Variants in CCT6A observed in about 807,000 individuals in gnomAD.
The protein encoded by CCT6A is T-complex protein 1 subunit zeta.
Under a neutral mutation model 58.6 loss-of-function variants are expected in CCT6A, and 6 were observed. That is an observed-to-expected ratio of 0.10 (90% CI 0.06 to 0.20). The LOEUF (loss-of-function observed/expected upper bound fraction) is 0.20, where lower values mean the gene tolerates loss of function less well. CCT6A is among the 10% of genes least tolerant of loss of function. The probability of loss-of-function intolerance (pLI) is 1.00; values close to 1 mark genes in which losing one functional copy is unlikely to be tolerated. For missense variants in CCT6A, 516 were observed against 648.8 expected, an observed-to-expected ratio of 0.80 and a Z score of 2.22; for synonymous variants, 245 against 227.8, an observed-to-expected ratio of 1.08 and a Z score of -0.68.
At chr7:56,056,799 C>CTT (rs79981799) in intron 5 of CCT6A, among the ~76,000 whole-genome samples, 115 of 141,070 alleles carry the variant, frequency 8.2e-4, no homozygotes, top group East Asian at 7.3e-3. Flanking sequence ...AGATAGTTGG[C>CTT]TTTTTTTTTT....
At position 56,058,177 on chromosome 7, in the gene CCT6A, T is replaced by C. The variant is rs553204505; in HGVS notation, c.725+74T>C. 214 of 992,588 alleles carry C rather than the reference T, an allele frequency of 2.2e-4. 3 individuals carry two copies. In the African/African-American group the frequency reaches 3.0e-3, roughly 14 times the overall value. The allele number at this position is 992,588 out of a possible 1,614,324, so 61.5% of individuals were successfully genotyped here. A position where few individuals can be genotyped will look rare whatever the true frequency, so the allele number is the denominator to read the frequency against. On this transcript the variant is annotated intron_variant, in intron 6 of 13. Transcript: ENST00000275603. The stretch of plus-strand genomic sequence containing the variant: ...GGCGAGTTACTTTTTTGTGAAACTT[T>C]GTTTCCCACTGTAAGGACAATAATG...
rs1312380617 is a variant in CCT6A at position 56,063,564 on chromosome 7, T to G, written c.*479T>G. ...TAAATTTCTGAGTAAATGCATTGGA[T>G]CAGTTGGACTTTGAACGCCTTTGAA... On this transcript the variant is annotated 3_prime_UTR_variant, in exon 14 of 14. Coordinates refer to ENST00000275603, the MANE Select transcript of CCT6A (RefSeq NM_001762.4). 5.8e-6 allele frequency: 1 copy of G among 171,046 alleles called. No individual in the cohort carries two copies. The highest frequency in any genetic ancestry group is 2.4e-5 in the African/African-American group (1 of 41,536). 10.6% of individuals were successfully genotyped at this position (171,046 alleles called of 1,614,324 possible).
At chr7:56,053,408 CAGT>C (rs1794232029) in intron 2 of CCT6A, among the ~76,000 whole-genome samples, 1 of 152,092 alleles carries the variant, frequency 6.6e-6, no homozygotes, top group African/African-American at 2.4e-5. Flanking sequence ...TTAGTGGGCT[CAGT>C]GGTGGCCCGT....
intron 2 of CCT6A, among the ~76,000 whole-genome samples, chr7:56,052,807 TTA>T (rs1491276303): frequency 2.6e-4 from 6 of 23,292 alleles, no homozygotes; most frequent in African/African-American, 6.4e-4. Context: ...TTTTTTTTTT[TTA>T]ATTAGACGAA....
chr7:56,055,796 A>G lies in CCT6A; in HGVS notation c.509A>G (p.Glu170Gly), dbSNP rs752576116. 1.9e-6 allele frequency: 3 copies of G among 1,611,442 alleles called. No individual in the cohort carries two copies. Among genetic ancestry groups the G allele is most frequent in the Non-Finnish European group, 2.5e-6 (3 of 1,178,062 alleles). The change falls in exon 4 of 14, where the codon GAG becomes GGG. Residue 170 changes from glutamate to glycine, a missense_variant and splice_region_variant. Physicochemically the swap from Glu to Gly is moderately conservative, Grantham distance 98. Transcript: ENST00000275603. Reference sequence around the variant, plus strand: ...GCTGAACTTGCAGATGTCTTAACAGAGGTATGTATTAAATTTTGTCTATGT... The same window carrying G: ...GCTGAACTTGCAGATGTCTTAACAGGGGTATGTATTAAATTTTGTCTATGT... Reference protein sequence around the residue: ...VHAELADVLTEAVVDSILAIK... With the variant: ...VHAELADVLTGAVVDSILAIK...
intron 2 of CCT6A, among the ~76,000 whole-genome samples, chr7:56,053,519 A>T (rs1174301709): frequency 1.3e-5 from 2 of 152,128 alleles, no homozygotes; most frequent in African/African-American, 4.8e-5. Context: ...TGGCAGGCCA[A>T]GGTAGGTGGA....
intron 5 of CCT6A, among the ~76,000 whole-genome samples, 154 bp downstream of exon 5, chr7:56,056,568 C>CA (rs1351646303): frequency 6.6e-6 from 1 of 151,642 alleles, no homozygotes; most frequent in African/African-American, 2.4e-5. Flanking sequence ...ATTAAAATTA[C>CA]AAAAATTAAC....
In CCT6A at chr7:56,063,138, A is replaced by G; in HGVS notation, c.*53A>G. 1 of 1,225,748 alleles carries G rather than the reference A, an allele frequency of 8.2e-7. No individual in the cohort carries two copies. The highest frequency in any genetic ancestry group is 1.2e-6 in the Non-Finnish European group (1 of 829,224). The allele number at this position is 1,225,748 out of a possible 1,614,324, so 75.9% of individuals were successfully genotyped here. ...TGAAGACTGCAAAGTGATCCTGAGG[A>G]TTACAGCTGTGGAATTTTTGTCCAA... On this transcript the variant is annotated 3_prime_UTR_variant, in exon 14 of 14. Coordinates refer to ENST00000275603, the MANE Select transcript of CCT6A (RefSeq NM_001762.4).
At chr7:56,062,901 G>A (rs1794500420) in intron 13 of CCT6A, 112 bp from the exon 14 acceptor site, 1 of 1,143,738 alleles carries the variant, frequency 8.7e-7, no homozygotes, top group Non-Finnish European at 1.3e-6. Context: ...GTGTAGAGGG[G>A]AAGGGGGAAA....
chr7:56,052,824 C>T (rs1028259284), intron 2 of CCT6A, among the ~76,000 whole-genome samples: 6 of 148,102 alleles, frequency 4.1e-5, no homozygotes, highest in East Asian at 2.0e-4. Flanking sequence ...GACGAAGTCT[C>T]GCTCTGTCGA....
rs201823840 is a variant in CCT6A, at chr7:56,058,456, A to G, written c.820A>G (p.Ile274Val). The G allele has an allele frequency of 1.6e-4, 257 of 1,605,746 alleles. No homozygotes were observed. Among genetic ancestry groups the G allele is most frequent in the Non-Finnish European group, 2.1e-4 (251 of 1,177,078 alleles). The change falls in exon 7 of 14, where the codon ATA becomes GTA. Residue 274 changes from isoleucine (I) to valine (V), a missense_variant. Physicochemically the swap from Ile to Val is conservative, Grantham distance 29. Transcript: ENST00000275603. Reference protein sequence around the residue: ...RKFIEDRVKKIIELKRKVCGD... With the variant: ...RKFIEDRVKKVIELKRKVCGD... ...ATTCATTGAAGATAGGGTTAAAAAAATAATAGAACTGAAAAGGAAAGTCTG... is the reference window on the plus strand; with the variant it reads ...ATTCATTGAAGATAGGGTTAAAAAAGTAATAGAACTGAAAAGGAAAGTCTG...
rs778686498 is a variant in CCT6A, at chr7:56,058,008, T to C, written c.630T>C (p.Leu210=). The C allele has an allele frequency of 1.2e-6, 2 of 1,608,430 alleles. No individual in the cohort carries two copies. Among genetic ancestry groups the C allele is most frequent in the East Asian group, 4.5e-5 (2 of 44,856 alleles). The change falls in exon 6 of 14, where the codon CTT becomes CTC. Residue 210 remains leucine (L), a synonymous_variant. Coordinates refer to ENST00000275603, the MANE Select transcript of CCT6A (RefSeq NM_001762.4). ...SETDTSLIRG[L]VLDHGARHPD... ...GTTTAAACAGCTTAATCAGAGGGCT[T>C]GTTTTGGACCACGGAGCACGGCATC...
chr7:56,058,594 G>T (rs780184582), intron 7 of CCT6A, 26 bp from the exon 8 acceptor site: 1 of 1,588,140 alleles, frequency 6.3e-7, no homozygotes, highest in Non-Finnish European at 8.6e-7. Context: ...GAAAGATGTT[G>T]AAATTAATTT....
intron 4 of CCT6A, 137 bp downstream of exon 4, chr7:56,055,934 CTG>C (rs1794294964): frequency 1.6e-6 from 1 of 615,900 alleles, no homozygotes; most frequent in South Asian, 2.3e-5. Context: ...GATACCTAAT[CTG>C]TGTCTCTAAA....
At position 56,057,920 on chromosome 7, in the gene CCT6A, C is replaced by T. The variant is rs760643265; in HGVS notation, c.615-73C>T. ...TGACTGCGTGAAATATCAATACCTT[C>T]TCATTTCAGTGTTTAATATATTAAA... is the stretch of plus-strand genomic sequence containing the variant. On this transcript the variant is annotated intron_variant, in intron 5 of 13. Coordinates refer to ENST00000275603, the MANE Select transcript of CCT6A (RefSeq NM_001762.4). The T allele has an allele frequency of 9.9e-5, 81 of 816,266 alleles. 1 individual carries two copies. The highest frequency in any genetic ancestry group is 1.0e-4 in the Non-Finnish European group (48 of 469,810). 50.6% of individuals were successfully genotyped at this position (816,266 alleles called of 1,614,324 possible). A position where few individuals can be genotyped will look rare whatever the true frequency, so the allele number is the denominator to read the frequency against.
chr7:56,057,395 A>G (rs1390155486), intron 5 of CCT6A, among the ~76,000 whole-genome samples: 1 of 151,772 alleles, frequency 6.6e-6, no homozygotes, highest in Admixed American at 6.6e-5. Context: ...TGGAGAATGG[A>G]GTCTCCCTAT....
intron 2 of CCT6A, 41 bp from the exon 3 acceptor site, chr7:56,054,328 T>C (rs1187397417): frequency 6.5e-7 from 1 of 1,550,258 alleles, no homozygotes; most frequent in Non-Finnish European, 8.9e-7. Flanking sequence ...TTTAGACTGC[T>C]TCATATTGTT....
intron 12 of CCT6A, among the ~76,000 whole-genome samples, chr7:56,062,253 GT>G (rs1794462262): frequency 6.6e-6 from 1 of 152,212 alleles, no homozygotes; most frequent in Non-Finnish European, 1.5e-5. Context: ...TAGTGAAATG[GT>G]GACAGCCCTG....
chr7:56,062,996 T>G lies in CCT6A; in HGVS notation c.1524-17T>G. Reference sequence around the variant, plus strand: ...CTCCTAATCATCTGAGCCATCTTATTTTTGTCCCCCTTTCAGCACTGTGAT... The same window carrying G: ...CTCCTAATCATCTGAGCCATCTTATGTTTGTCCCCCTTTCAGCACTGTGAT... On this transcript the variant is annotated splice_polypyrimidine_tract_variant and intron_variant, in intron 13 of 13. Transcript: ENST00000275603. 1 of 1,599,446 alleles carries G rather than the reference T, an allele frequency of 6.3e-7. No individual in the cohort carries two copies. Among genetic ancestry groups the G allele is most frequent in the Non-Finnish European group, 8.6e-7 (1 of 1,166,650 alleles).
Sources: allele counts gnomAD v4.1 joint callset (sites outside exome capture counted in the v4.1 genomes callset), GRCh38; gene constraint gnomAD v4.1.1; transcripts MANE v1.5; gene names NCBI Gene and HGNC (gene_info 2026-07-23, HGNC 2026-07-21).